The following GUCY2C variants were observed in gnomAD, a reference collection of about 807,000 sequenced individuals.
The protein encoded by GUCY2C is guanylate cyclase 2C, also known as guanylyl cyclase C.
Under a neutral mutation model 131.1 loss-of-function variants are expected in GUCY2C, and 118 were observed. The ratio of observed to expected loss-of-function variants is 0.90; its 90% CI spans 0.78 to 1.05. The LOEUF (loss-of-function observed/expected upper bound fraction) is 1.05, where lower values mean the gene tolerates loss of function less well. Ranked by LOEUF, GUCY2C falls within the 50% of genes least tolerant of loss-of-function variation. The pLI is 0.00. For missense variants in GUCY2C, 1,161 were observed against 1,304.4 expected, an observed-to-expected ratio of 0.89 and a Z score of 1.69; for synonymous variants, 452 against 457.8, an observed-to-expected ratio of 0.99 and a Z score of 0.16.
intron 19 of GUCY2C, among the ~76,000 whole-genome samples, chr12:14,630,450 T>C (rs1291796950): frequency 6.6e-6 from 1 of 152,168 alleles, no homozygotes; most frequent in Non-Finnish European, 1.5e-5. Context: ...TGGAAAATGT[T>C]TGGAAAAAAC....
rs1216692632 is a variant in GUCY2C, at chr12:14,616,687, C to T, written c.2916G>A (p.Leu972=). ...IHVSGSTIAI[L]KRTECQFLYE... ...AAAGGAACTGGCACTCAGTTCTCTT[C>T]AGGATGGCTATGGTGGAGCCACTCA... The change falls in exon 25 of 27, where the codon CTG becomes CTA. Residue 972 remains leucine (L), a synonymous_variant. Transcript: ENST00000261170. 8.1e-6 allele frequency: 13 copies of T among 1,610,154 alleles called. No individual in the cohort carries two copies. The Admixed American group carries it at 2.2e-4, about 27-fold the overall frequency.
At position 14,613,169 on chromosome 12, in the gene GUCY2C, G is replaced by A. The variant is rs761491848; in HGVS notation, c.3170C>T (p.Thr1057Ile). The change falls in exon 27 of 27, where the codon ACT becomes ATT. Residue 1057 changes from threonine to isoleucine, a missense_variant. Physicochemically the swap from Thr to Ile is moderately conservative, Grantham distance 89. Coordinates refer to ENST00000261170, the MANE Select transcript of GUCY2C (RefSeq NM_004963.4). This position sits in a 1 kb window ranked among gnomAD's most constrained non-coding sequence, Gnocchi z 4.9. The part of the protein sequence containing the change: ...PRRVASYKKG[T>I]LEYLQLNTTD... ...GGTATTCAGCTGCAAGTATTCCAGA[G>A]TGCCTTTTTTATAGCTGGCTACCCG... 1 of 1,613,512 alleles carries A rather than the reference G, an allele frequency of 6.2e-7. No homozygotes were observed. The highest frequency in any genetic ancestry group is 8.5e-7 in the Non-Finnish European group (1 of 1,179,570).
At chr12:14,684,048 T>C (rs1272354688) in intron 3 of GUCY2C, among the ~76,000 whole-genome samples, 2 of 152,198 alleles carry the variant, frequency 1.3e-5, no homozygotes, top group Non-Finnish European at 1.5e-5. Context: ...CTGCTGACTT[T>C]CCTGTCATCA....
At chr12:14,695,099 C>A (rs555506046) in intron 1 of GUCY2C, among the ~76,000 whole-genome samples, 1 of 151,908 alleles carries the variant, frequency 6.6e-6, no homozygotes, top group African/African-American at 2.4e-5. Context: ...AAGGCCATGA[C>A]GCTCTAGGAA....
At chr12:14,627,780 A>AT (rs1947054797) in intron 20 of GUCY2C, among the ~76,000 whole-genome samples, 1 of 152,164 alleles carries the variant, frequency 6.6e-6, no homozygotes, top group Non-Finnish European at 1.5e-5. Flanking sequence ...AGAAAAAAAA[A>AT]GGGCTAGAAT....
chr12:14,690,229 G>C (rs1241562800), intron 1 of GUCY2C, among the ~76,000 whole-genome samples: 1 of 152,184 alleles, frequency 6.6e-6, no homozygotes, highest in East Asian at 1.9e-4. Flanking sequence ...CAAAATATCT[G>C]TTTGGTCACA....
At chr12:14,642,564 G>A (rs1249105164) in intron 17 of GUCY2C, among the ~76,000 whole-genome samples, 1 of 152,122 alleles carries the variant, frequency 6.6e-6, no homozygotes, top group East Asian at 1.9e-4. Flanking sequence ...TGTGATTCAT[G>A]CATAGTTGAT....
intron 10 of GUCY2C, among the ~76,000 whole-genome samples, chr12:14,668,325 C>T (rs1948028193): frequency 6.6e-6 from 1 of 152,182 alleles, no homozygotes; most frequent in South Asian, 2.1e-4. Context: ...CACGCACCAT[C>T]ATGCCCAGCT....
intron 9 of GUCY2C, among the ~76,000 whole-genome samples, chr12:14,670,211 C>T (rs1050685412): frequency 6.6e-6 from 1 of 152,118 alleles, no homozygotes; most frequent in African/African-American, 2.4e-5. Flanking sequence ...TAGTGTTTTC[C>T]ACAATATTAA....
At chr12:14,615,471 T>G (rs944228162) in intron 25 of GUCY2C, among the ~76,000 whole-genome samples, 5 of 152,076 alleles carry the variant, frequency 3.3e-5, no homozygotes, top group African/African-American at 4.8e-5. Context: ...GTATGGAAAT[T>G]TACTGGAATA....
At chr12:14,650,783 A>G (rs2137037426) in intron 15 of GUCY2C, among the ~76,000 whole-genome samples, 1 of 152,340 alleles carries the variant, frequency 6.6e-6, no homozygotes, top group Non-Finnish European at 1.5e-5. Context: ...GATTAATCCA[A>G]AGAAAGAGCC....
intron 7 of GUCY2C, among the ~76,000 whole-genome samples, chr12:14,676,271 T>C (rs1010892970): frequency 7.9e-5 from 12 of 152,210 alleles, no homozygotes; most frequent in Non-Finnish European, 1.3e-4. Flanking sequence ...TGATTTAGTG[T>C]CCAAATGGAG....
Position 14,616,755 on chromosome 12 carries a change from T to C in GUCY2C, c.2876-28A>G, listed in dbSNP as rs773474895. On this transcript the variant is annotated intron_variant, in intron 24 of 26. Coordinates refer to ENST00000261170, the MANE Select transcript of GUCY2C (RefSeq NM_004963.4). The stretch of plus-strand genomic sequence containing the variant: ...GGAAATGCAAATTGACAAATAAAAA[T>C]CCCAGCTAGTACACAGCCTATTTGT... 4.0e-6 allele frequency: 5 copies of C among 1,250,398 alleles called. No homozygotes were observed. The South Asian group carries it at 6.0e-5, about 15-fold the overall frequency. 77.5% of individuals were successfully genotyped at this position (1,250,398 alleles called of 1,614,324 possible).
At chr12:14,661,114 T>G in intron 10 of GUCY2C, 52 bp from the exon 11 acceptor site, 1 of 1,087,284 alleles carries the variant, frequency 9.2e-7, no homozygotes, top group Non-Finnish European at 1.4e-6. Flanking sequence ...GCAAAAGCAT[T>G]TCCAAGATTC....
intron 1 of GUCY2C, 33 bp downstream of exon 1, chr12:14,696,199 G>T: frequency 6.6e-7 from 1 of 1,518,738 alleles, no homozygotes; most frequent in Non-Finnish European, 9.1e-7. Flanking sequence ...GGTAGTAACA[G>T]AGTGGAGGAA....
intron 17 of GUCY2C, among the ~76,000 whole-genome samples, chr12:14,642,834 G>C (rs1448821034): frequency 6.6e-6 from 1 of 152,146 alleles, no homozygotes. Context: ...AATGGCTGTG[G>C]ATGTAGGGAC....
intron 9 of GUCY2C, 34 bp downstream of exon 9, chr12:14,672,839 C>T: frequency 8.1e-7 from 1 of 1,229,748 alleles, no homozygotes; most frequent in Non-Finnish European, 1.2e-6. Context: ...CCAGTCACAG[C>T]ACCCTGAATT....
At chr12:14,640,914 T>C (rs1947387608) in intron 18 of GUCY2C, among the ~76,000 whole-genome samples, 168 bp downstream of exon 18, 1 of 152,192 alleles carries the variant, frequency 6.6e-6, no homozygotes, top group Non-Finnish European at 1.5e-5. Flanking sequence ...TGCACCCTAA[T>C]ATTGAATCTT....
chr12:14,680,046 A>G (rs1006730423), intron 5 of GUCY2C, among the ~76,000 whole-genome samples: 2 of 152,176 alleles, frequency 1.3e-5, no homozygotes, highest in Non-Finnish European at 2.9e-5. Flanking sequence ...AGTAGATGAC[A>G]AAGACAGCTC....
Sources: gnomAD v4.1 joint callset for allele counts (sites outside exome capture counted in the v4.1 genomes callset) on GRCh38, gnomAD v4.1.1 for gene constraint, Gnocchi (gnomAD v3.1) non-coding constraint, MANE v1.5 for transcripts, NCBI Gene and HGNC (gene_info 2026-07-23, HGNC 2026-07-21) for gene names.